Variants in RNF145 observed in about 807,000 individuals in gnomAD.
RNF145 encodes ring finger protein 145.
A neutral mutation model predicts 57.3 loss-of-function variants in RNF145; 12 were observed. The observed-to-expected ratio is 0.21, with a 90% CI of 0.13 to 0.34. The LOEUF (loss-of-function observed/expected upper bound fraction) is 0.34, where lower values mean the gene tolerates loss of function less well. Ranked by LOEUF, RNF145 falls within the 10% of genes least tolerant of loss-of-function variation. RNF145 has a pLI of 1.00. For missense variants in RNF145, 429 were observed against 799.0 expected (o/e 0.54, Z 5.58); for synonymous variants, 262 against 288.3 (o/e 0.91, Z 0.92).
At chr5:159,163,440 C>A (rs1784294523) in intron 8 of RNF145, among the ~76,000 whole-genome samples, 3 of 152,154 alleles carry the variant, frequency 2.0e-5, no homozygotes, top group South Asian at 2.1e-4. Flanking sequence ...AATTTGTGGT[C>A]TTTTTCAAAT....
chr5:159,162,893 A>G (rs920912490), intron 9 of RNF145, 39 bp downstream of exon 9: 1 of 1,527,316 alleles, frequency 6.5e-7, no homozygotes, highest in Admixed American at 2.2e-5. Context: ...AAAATAACAA[A>G]ATTGGTTATT....
chr5:159,177,535 T>C (rs554462943), intron 4 of RNF145, among the ~76,000 whole-genome samples: 1 of 152,168 alleles, frequency 6.6e-6, no homozygotes, highest in South Asian at 2.1e-4. Context: ...GTACACTGAA[T>C]GTATGTGACA....
chr5:159,166,114 T>A (rs1213863419), intron 8 of RNF145, among the ~76,000 whole-genome samples: 1 of 152,218 alleles, frequency 6.6e-6, no homozygotes, highest in African/African-American at 2.4e-5. Context: ...CTCCCCTTTC[T>A]ATCTCCTTCC....
intron 1 of RNF145, among the ~76,000 whole-genome samples, chr5:159,207,204 G>T (rs764093874): frequency 6.6e-6 from 1 of 152,118 alleles, no homozygotes; most frequent in African/African-American, 2.4e-5. Context: ...TTTTAGTTTT[G>T]AATATGAAGA....
intron 4 of RNF145, among the ~76,000 whole-genome samples, chr5:159,181,064 G>A (rs1784878040): frequency 1.3e-5 from 2 of 149,922 alleles, no homozygotes; most frequent in South Asian, 4.2e-4. Context: ...AACACCATGT[G>A]TTCCCCCAGA....
chr5:159,174,263 T>C lies in RNF145; in HGVS notation c.622-105A>G, dbSNP rs188140441. 85 of 742,492 alleles carry C rather than the reference T, an allele frequency of 1.1e-4. No individual in the cohort carries two copies. In the Admixed American group the frequency reaches 1.9e-3, roughly 17 times the overall value. 46.0% of individuals were successfully genotyped at this position (742,492 alleles called of 1,614,324 possible). ...AAAATATTAAATAGCTTTTCTTTGA[T>C]TGCAAGACTGTTTCAGCTAAATTCC... On this transcript the variant is annotated intron_variant, in intron 5 of 10. Transcript: ENST00000424310.
At chr5:159,169,104 T>C in intron 7 of RNF145, 49 bp from the exon 8 acceptor site, 1 of 1,373,246 alleles carries the variant, frequency 7.3e-7, no homozygotes, top group East Asian at 2.4e-5. Flanking sequence ...CTGAATCTCA[T>C]TTAATTCAAA....
intron 2 of RNF145, among the ~76,000 whole-genome samples, chr5:159,200,591 A>C (rs1480922275): frequency 6.6e-6 from 1 of 152,204 alleles, no homozygotes; most frequent in Non-Finnish European, 1.5e-5. Context: ...AATACAACAG[A>C]ATTCTTTATA....
chr5:159,209,798 C>G, upstream of RNF145: 1 of 1,487,702 alleles, frequency 6.7e-7, no homozygotes, highest in South Asian at 1.2e-5. Context: ...TTCTGACACA[C>G]GTGCTCTCTC....
chr5:159,177,173 T>G (rs940934313), intron 4 of RNF145, among the ~76,000 whole-genome samples: 2 of 152,102 alleles, frequency 1.3e-5, no homozygotes, highest in South Asian at 2.1e-4. Context: ...AATTCAGTAT[T>G]GTGACAATTC....
intron 2 of RNF145, among the ~76,000 whole-genome samples, chr5:159,200,199 G>A (rs1250211320): frequency 6.6e-6 from 1 of 152,058 alleles, no homozygotes; most frequent in South Asian, 2.1e-4. Flanking sequence ...TTTGTTTTTG[G>A]AATGAGACCT....
intron 1 of RNF145, among the ~76,000 whole-genome samples, chr5:159,207,260 T>A (rs997303540): frequency 6.6e-6 from 1 of 152,150 alleles, no homozygotes; most frequent in Non-Finnish European, 1.5e-5. Flanking sequence ...GTTTTTACAG[T>A]CACAGCTAAT....
chr5:159,183,751 A>T (rs1784971464), intron 3 of RNF145, among the ~76,000 whole-genome samples: 1 of 152,152 alleles, frequency 6.6e-6, no homozygotes, highest in Non-Finnish European at 1.5e-5. Flanking sequence ...TCTCTCTCCA[A>T]TGGATACAGT....
At chr5:159,173,059 G>T (rs571020129) in intron 6 of RNF145, among the ~76,000 whole-genome samples, 173 of 152,214 alleles carry the variant, frequency 1.1e-3, no homozygotes, top group South Asian at 5.6e-3. Context: ...ATGGGAAAAT[G>T]ACTTAAATGA....
At chr5:159,195,248 A>G (rs1170851254) in intron 2 of RNF145, among the ~76,000 whole-genome samples, 1 of 151,972 alleles carries the variant, frequency 6.6e-6, no homozygotes, top group Admixed American at 6.6e-5. Context: ...AAGACTCTCT[A>G]TCTCCTATAC....
chr5:159,207,561 G>A lies in RNF145; in HGVS notation c.-40+1670C>T, dbSNP rs563386247. On this transcript the variant is annotated intron_variant, in intron 1 of 10. Coordinates refer to ENST00000424310, the MANE Select transcript of RNF145 (RefSeq NM_001199383.2). Reference sequence around the variant, plus strand: ...GATCTTAAGAAAAGTAAATTTTCGGGCTGTCCATCGGTTAGGATGGTAGGC... The same window carrying A: ...GATCTTAAGAAAAGTAAATTTTCGGACTGTCCATCGGTTAGGATGGTAGGC... The A allele has an allele frequency of 1.4e-4, 224 of 1,591,384 alleles. No homozygotes were observed. In the African/African-American group the frequency reaches 2.7e-3, roughly 19 times the overall value.
intron 1 of RNF145, among the ~76,000 whole-genome samples, chr5:159,206,662 A>C (rs537966314): frequency 6.6e-6 from 1 of 152,316 alleles, no homozygotes; most frequent in South Asian, 2.1e-4. Flanking sequence ...AAACAGGGCT[A>C]ATCAGCATAT....
chr5:159,180,892 C>T (rs1268809466), intron 4 of RNF145, among the ~76,000 whole-genome samples: 1 of 151,858 alleles, frequency 6.6e-6, no homozygotes, highest in Non-Finnish European at 1.5e-5. Context: ...ATTTTGCAGG[C>T]TGAAAAGGCA....
chr5:159,166,276 G>A (rs535953796), intron 8 of RNF145, among the ~76,000 whole-genome samples: 66 of 152,176 alleles, frequency 4.3e-4, no homozygotes, highest in African/African-American at 1.4e-3. Flanking sequence ...GTGTAGGAGC[G>A]ATTCTTGATC....
Sources: allele counts gnomAD v4.1 joint callset (sites outside exome capture counted in the v4.1 genomes callset), GRCh38; gene constraint gnomAD v4.1.1; transcripts MANE v1.5; gene names NCBI Gene and HGNC (gene_info 2026-07-23, HGNC 2026-07-21).